The following LRIG3 variants were observed in gnomAD, a reference collection of about 807,000 sequenced individuals.
The protein encoded by LRIG3 is leucine-rich repeats and immunoglobulin-like domains protein 3.
LRIG3 carries 76 observed loss-of-function variants against 114.5 expected under a neutral mutation model. The observed-to-expected ratio is 0.66, with a 90% CI of 0.55 to 0.80. LRIG3 has a LOEUF of 0.80. Ranked by LOEUF, LRIG3 falls within the 30% of genes least tolerant of loss-of-function variation. LRIG3 has a pLI of 0.00. For missense variants in LRIG3, 1,239 were observed against 1,382.8 expected, an observed-to-expected ratio of 0.90 and a Z score of 1.65; for synonymous variants, 512 against 519.8, an observed-to-expected ratio of 0.98 and a Z score of 0.20.
rs909644544 is a variant in LRIG3, at chr12:58,872,487, A to G, written c.*85T>C. The G allele has an allele frequency of 1.4e-6, 2 of 1,390,370 alleles. No individual in the cohort carries two copies. The highest frequency in any genetic ancestry group is 1.9e-6 in the Non-Finnish European group (2 of 1,052,902). 86.1% of individuals were successfully genotyped at this position (1,390,370 alleles called of 1,614,324 possible). A position where few individuals can be genotyped will look rare whatever the true frequency, so the allele number is the denominator to read the frequency against. ...TTATCCTTTTAAAATTCATAACTCC[A>G]TTTAAAAAACATAAGATTCTCTCTC... On this transcript the variant is annotated 3_prime_UTR_variant, in exon 19 of 19. Transcript: ENST00000320743.
At chr12:58,914,880 C>A (rs1872420064) in intron 1 of LRIG3, among the ~76,000 whole-genome samples, 2 of 152,176 alleles carry the variant, frequency 1.3e-5, no homozygotes, top group South Asian at 4.1e-4. Flanking sequence ...AGAAAACAAT[C>A]TGAACCCTCT....
At position 58,888,862 on chromosome 12, in the gene LRIG3, G is replaced by C; in HGVS notation, c.760C>G (p.Leu254Val). The change falls in exon 6 of 19, where the codon CTT becomes GTT. Residue 254 changes from leucine (L) to valine (V), a missense_variant. Leu to Val is a conservative substitution (Grantham distance 32, BLOSUM62 1). Coordinates refer to ENST00000320743, the MANE Select transcript of LRIG3 (RefSeq NM_153377.5). The stretch of plus-strand genomic sequence containing the variant: ...AGCCCCCAAAAAGCTCCATCCATAA[G>C]TTTCGTTACTCCATTTCTTTGCATT... Reference protein sequence around the residue: ...LKMQRNGVTKLMDGAFWGLSN... With the variant: ...LKMQRNGVTKVMDGAFWGLSN... The C allele has an allele frequency of 6.2e-7, 1 of 1,613,780 alleles. No homozygotes were observed. Among genetic ancestry groups the C allele is most frequent in the Non-Finnish European group, 8.5e-7 (1 of 1,179,824 alleles).
At chr12:58,902,571 T>A (rs1314315312) in intron 3 of LRIG3, among the ~76,000 whole-genome samples, 3 of 152,178 alleles carry the variant, frequency 2.0e-5, no homozygotes, top group South Asian at 2.1e-4. Context: ...CTCTTTTTTT[T>A]ATTTTTTCAT....
intron 1 of LRIG3, among the ~76,000 whole-genome samples, chr12:58,919,104 TTTGA>T (rs1404145982): frequency 3.3e-5 from 5 of 152,078 alleles, no homozygotes; most frequent in Non-Finnish European, 2.9e-5. Flanking sequence ...AAATACAAAT[TTTGA>T]TTGTTTACTT....
intron 3 of LRIG3, among the ~76,000 whole-genome samples, chr12:58,907,348 G>C (rs1269510101): frequency 6.6e-6 from 1 of 152,170 alleles, no homozygotes; most frequent in African/African-American, 2.4e-5. Context: ...ATTTATAATT[G>C]AGTACCCACC....
Position 58,888,973 on chromosome 12 carries a change from T to A in LRIG3, c.660-11A>T, listed in dbSNP as rs1871366312. On this transcript the variant is annotated splice_polypyrimidine_tract_variant and intron_variant, in intron 5 of 18. Transcript: ENST00000320743. ...TTTCGGTTCAATTCGCTGCATTGAG[T>A]ATTACAAGAGTTAGCTTATATGACA... The A allele has an allele frequency of 6.2e-7, 1 of 1,611,098 alleles. No individual in the cohort carries two copies. Among genetic ancestry groups the A allele is most frequent in the African/African-American group, 1.3e-5 (1 of 74,854 alleles).
chr12:58,899,105 C>A (rs1454088465), intron 3 of LRIG3, among the ~76,000 whole-genome samples: 1 of 152,208 alleles, frequency 6.6e-6, no homozygotes, highest in African/African-American at 2.4e-5. Flanking sequence ...TTGTTAAGCC[C>A]ACACCTTCAG....
chr12:58,895,060 G>A (rs1187476712), intron 3 of LRIG3, among the ~76,000 whole-genome samples: 1 of 152,170 alleles, frequency 6.6e-6, no homozygotes, highest in Non-Finnish European at 1.5e-5. Flanking sequence ...CAGTGATAAT[G>A]GTTTCATTTT....
In LRIG3 at chr12:58,895,793, A is replaced by G. The variant is rs537808304; in HGVS notation, c.384-4997T>C. ...CAATCGGAGGCTCCTAACTTCATGC[A>G]GGACAGACGACAGAAGGATGACGAG... On this transcript the variant is annotated intron_variant, in intron 3 of 18. Coordinates refer to ENST00000320743, the MANE Select transcript of LRIG3 (RefSeq NM_153377.5). 7.2e-5 allele frequency among the ~76,000 whole-genome samples: 11 copies of G among 152,340 alleles called. No individual in the cohort carries two copies. In the South Asian group the frequency reaches 2.1e-3, roughly 29 times the overall value.
rs567234673 is a variant in LRIG3, at chr12:58,874,794, C to T, written c.2696-221G>A. 8.7e-4 allele frequency among the ~76,000 whole-genome samples: 132 copies of T among 152,270 alleles called. 1 individual carries two copies. The highest frequency in any genetic ancestry group is 5.8e-3 in the South Asian group (28 of 4,828). ...GGCCTTATTGCTCACTTGGTTTCTA[C>T]GGGAAACTGATATGTGCAGATCCTG... On this transcript the variant is annotated intron_variant, in intron 16 of 18. Transcript: ENST00000320743.
In LRIG3 at chr12:58,886,803, T is replaced by C. The variant is rs753682711; in HGVS notation, c.1172+7A>G. 2.5e-6 allele frequency: 4 copies of C among 1,611,928 alleles called. No individual in the cohort carries two copies. Among genetic ancestry groups the C allele is most frequent in the Non-Finnish European group, 3.4e-6 (4 of 1,178,460 alleles). On this transcript the variant is annotated splice_region_variant and intron_variant, in intron 9 of 18. Coordinates refer to ENST00000320743, the MANE Select transcript of LRIG3 (RefSeq NM_153377.5). ...GTGAGCTAAATTATGAGGCAATTCA[T>C]ACTCACAGTCGCCTCAGTTTGTCAA... is the stretch of plus-strand genomic sequence containing the variant.
At chr12:58,917,113 T>TA (rs1041461408) in intron 1 of LRIG3, among the ~76,000 whole-genome samples, 6 of 151,990 alleles carry the variant, frequency 3.9e-5, no homozygotes, top group African/African-American at 1.5e-4. Context: ...GTGAAAACCA[T>TA]AAGGACTATT....
chr12:58,906,948 G>C (rs1475079302), intron 3 of LRIG3, among the ~76,000 whole-genome samples: 1 of 146,548 alleles, frequency 6.8e-6, no homozygotes, highest in East Asian at 2.0e-4. Context: ...TTATTCCCCT[G>C]CTTAAAAAAA....
At chr12:58,890,575 G>C (rs1871422377) in intron 4 of LRIG3, 90 bp downstream of exon 4, 1 of 1,268,544 alleles carries the variant, frequency 7.9e-7, no homozygotes, top group Non-Finnish European at 1.1e-6. Context: ...TCCATCAGTA[G>C]TAAAGTAGAC....
In LRIG3 at chr12:58,919,457, G is replaced by C. The variant is rs186376456; in HGVS notation, c.236+543C>G. 1,486 of 1,551,618 alleles carry C rather than the reference G, an allele frequency of 9.6e-4. 12 individuals are homozygous for C. In the African/African-American group the frequency reaches 0.019, roughly 19 times the overall value. ...GCTAATGTGAAAAAGCAAGCAGAGGGAGAACAACAGAAGTACGTCCACCAT... is the reference window on the plus strand; with the variant it reads ...GCTAATGTGAAAAAGCAAGCAGAGGCAGAACAACAGAAGTACGTCCACCAT... On this transcript the variant is annotated intron_variant, in intron 1 of 18. Transcript: ENST00000320743.
chr12:58,876,506 G>A lies in LRIG3; in HGVS notation c.2634C>T (p.Ser878=). Residue 878 remains serine (S), a synonymous_variant, in exon 16 of 19, where the codon AGC becomes AGT. Coordinates refer to ENST00000320743, the MANE Select transcript of LRIG3 (RefSeq NM_153377.5). Reference sequence around the variant, plus strand: ...CTGAAGATGTGACAAACTGGTGGTGGCTTCCACTTTCTGAAGACACGTACC... The same window carrying A: ...CTGAAGATGTGACAAACTGGTGGTGACTTCCACTTTCTGAAGACACGTACC... The part of the protein sequence containing the change: ...QDGYVSSESG[S]HHQFVTSSGA... 1 of 1,614,064 alleles carries A rather than the reference G, an allele frequency of 6.2e-7. No individual in the cohort carries two copies. Among genetic ancestry groups the A allele is most frequent in the Non-Finnish European group, 8.5e-7 (1 of 1,180,004 alleles).
intron 15 of LRIG3, among the ~76,000 whole-genome samples, chr12:58,877,146 T>C (rs1870948830): frequency 6.6e-6 from 1 of 152,208 alleles, no homozygotes; most frequent in Admixed American, 6.5e-5. Context: ...GTTAGAAATA[T>C]TTTAGTCAGT....
At chr12:58,881,601 G>A (rs140395059) in intron 12 of LRIG3, among the ~76,000 whole-genome samples, 15 of 152,220 alleles carry the variant, frequency 9.9e-5, no homozygotes, top group African/African-American at 3.4e-4. Flanking sequence ...TTAGTTCTCT[G>A]TTACATTTTG....
At chr12:58,913,901 G>T in intron 3 of LRIG3, 81 bp downstream of exon 3, 1 of 1,200,094 alleles carries the variant, frequency 8.3e-7, no homozygotes, top group Non-Finnish European at 1.2e-6. Flanking sequence ...TTTCTTCTAA[G>T]ATCTCTATGC....
Sources: allele counts gnomAD v4.1 joint callset (sites outside exome capture counted in the v4.1 genomes callset), GRCh38; gene constraint gnomAD v4.1.1; transcripts MANE v1.5; gene names NCBI Gene and HGNC (gene_info 2026-07-23, HGNC 2026-07-21).